CPA6: variants seen among roughly 807,000 people sequenced by gnomAD.
CPA6 encodes the protein carboxypeptidase A6.
A neutral mutation model predicts 63.3 loss-of-function variants in CPA6; 58 were observed. That is an observed-to-expected ratio of 0.92 (90% CI 0.74 to 1.14). The LOEUF is 1.14. CPA6 is among the 50% of genes most tolerant of loss of function. CPA6 has a pLI of 0.00. For synonymous variants in CPA6, 185 were observed against 179.0 expected (o/e 1.03, Z -0.27); for missense variants, 565 against 526.6 (o/e 1.07, Z -0.71).
intron 8 of CPA6, chr8:67,483,521 A>ATTTAAATT: frequency 1.8e-6 from 1 of 541,804 alleles, no homozygotes; most frequent in Non-Finnish European, 3.3e-6. Flanking sequence ...TTACATATGT[A>ATTTAAATT]TTTAAATTTT....
chr8:67,590,020 C>A (rs1814068813), intron 2 of CPA6, among the ~76,000 whole-genome samples: 1 of 151,726 alleles, frequency 6.6e-6, no homozygotes, highest in Admixed American at 6.6e-5. Context: ...GGTATATCTC[C>A]TAATGCTATC....
intron 5 of CPA6, among the ~76,000 whole-genome samples, chr8:67,507,748 T>C (rs1180725627): frequency 6.6e-6 from 1 of 152,132 alleles, no homozygotes; most frequent in Non-Finnish European, 1.5e-5. Context: ...AAGAGTGTTA[T>C]GTTGAATTTT....
chr8:67,422,301 T>G lies in CPA6; in HGVS notation c.*203A>C. 2.3e-6 allele frequency: 1 copy of G among 434,006 alleles called. No homozygotes were observed. Among genetic ancestry groups the G allele is most frequent in the South Asian group, 7.7e-5 (1 of 13,070 alleles). The allele number at this position is 434,006 out of a possible 1,614,324, so 26.9% of individuals were successfully genotyped here. A position where few individuals can be genotyped will look rare whatever the true frequency, so the allele number is the denominator to read the frequency against. On this transcript the variant is annotated 3_prime_UTR_variant, in exon 11 of 11. Coordinates refer to ENST00000297770, the MANE Select transcript of CPA6 (RefSeq NM_020361.5). ...AGACTCTAAAAGGATAGAAAATGGA[T>G]GCTTTTTCTTATAACAAACTAGGCT... is the stretch of plus-strand genomic sequence containing the variant.
At chr8:67,589,109 C>A (rs1814031190) in intron 2 of CPA6, among the ~76,000 whole-genome samples, 1 of 146,308 alleles carries the variant, frequency 6.8e-6, no homozygotes, top group African/African-American at 2.6e-5. Flanking sequence ...CAGAGCAAGA[C>A]TCTTAAAAAA....
chr8:67,712,767 C>T (rs1748484264), intron 1 of CPA6, among the ~76,000 whole-genome samples: 1 of 152,026 alleles, frequency 6.6e-6, no homozygotes, highest in Non-Finnish European at 1.5e-5. Flanking sequence ...TTTTAAATGT[C>T]ATGCTGTTCT....
chr8:67,642,732 A>G (rs1261955146), intron 1 of CPA6, among the ~76,000 whole-genome samples: 1 of 152,044 alleles, frequency 6.6e-6, no homozygotes, highest in Non-Finnish European at 1.5e-5. Flanking sequence ...GAACTCTTTC[A>G]TAAATAGAAC....
chr8:67,525,274 T>A (rs1812338312), intron 2 of CPA6, among the ~76,000 whole-genome samples: 1 of 152,168 alleles, frequency 6.6e-6, no homozygotes, highest in African/African-American at 2.4e-5. Flanking sequence ...CAAAAGACCC[T>A]GGAAATTTAG....
chr8:67,688,460 A>G (rs1317836647), intron 1 of CPA6, among the ~76,000 whole-genome samples: 2 of 152,214 alleles, frequency 1.3e-5, no homozygotes, highest in African/African-American at 4.8e-5. Flanking sequence ...ATCAACTCAC[A>G]GGACTCATTT....
chr8:67,641,416 T>G (rs1433712627), intron 1 of CPA6, among the ~76,000 whole-genome samples: 2 of 146,882 alleles, frequency 1.4e-5, no homozygotes, highest in East Asian at 1.9e-4. Flanking sequence ...CAGACTAAAT[T>G]TCTAGAATTA....
intron 6 of CPA6, among the ~76,000 whole-genome samples, chr8:67,492,293 A>G (rs1318727549): frequency 1.3e-5 from 2 of 152,214 alleles, no homozygotes; most frequent in East Asian, 3.8e-4. Flanking sequence ...AACACTTCAC[A>G]TTAAAGTAAG....
rs530392285 is a variant in CPA6 at position 67,564,320 on chromosome 8, T to C, written c.193-46273A>G. On this transcript the variant is annotated intron_variant, in intron 2 of 10. Transcript: ENST00000297770. The stretch of plus-strand genomic sequence containing the variant: ...TCTCTGCCTGTGATGCTCCTAAAGC[T>C]TTTTTTGTTTGTTTGTTTGGGGTTT... Among the ~76,000 whole-genome samples the C allele has an allele frequency of 2.0e-5, 3 of 152,220 alleles. No individual in the cohort carries two copies. The South Asian group carries it at 6.2e-4, about 32-fold the overall frequency.
At chr8:67,651,651 T>G (rs996199413) in intron 1 of CPA6, among the ~76,000 whole-genome samples, 1 of 152,140 alleles carries the variant, frequency 6.6e-6, no homozygotes, top group Non-Finnish European at 1.5e-5. Flanking sequence ...ACATTTCCTA[T>G]TCAAGGAACA....
At chr8:67,676,507 G>A (rs1260722311) in intron 1 of CPA6, among the ~76,000 whole-genome samples, 1 of 152,222 alleles carries the variant, frequency 6.6e-6, no homozygotes, top group Non-Finnish European at 1.5e-5. Flanking sequence ...CGTAGCTTGT[G>A]TCAGACCACT....
intron 2 of CPA6, among the ~76,000 whole-genome samples, chr8:67,614,373 C>T (rs750169442): frequency 3.3e-5 from 5 of 152,150 alleles, no homozygotes; most frequent in Non-Finnish European, 5.9e-5. Context: ...TGGATATGAA[C>T]CCAAGAAGTA....
chr8:67,441,346 T>C (rs552817233), intron 8 of CPA6, among the ~76,000 whole-genome samples: 7 of 152,204 alleles, frequency 4.6e-5, no homozygotes, highest in Non-Finnish European at 8.8e-5. Context: ...AATTTCAGAA[T>C]TGAATTAGAG....
At chr8:67,534,378 C>A (rs1437441521) in intron 2 of CPA6, among the ~76,000 whole-genome samples, 1 of 152,066 alleles carries the variant, frequency 6.6e-6, no homozygotes, top group Non-Finnish European at 1.5e-5. Context: ...AGTGGCTAAT[C>A]ACCATCCAGT....
At chr8:67,514,715 T>TA (rs1812107945) in intron 3 of CPA6, among the ~76,000 whole-genome samples, 1 of 152,262 alleles carries the variant, frequency 6.6e-6, no homozygotes, top group Non-Finnish European at 1.5e-5. Flanking sequence ...TAGAGACTTG[T>TA]TAAACTAACC....
At chr8:67,643,933 A>G (rs569761952) in intron 1 of CPA6, among the ~76,000 whole-genome samples, 1 of 152,260 alleles carries the variant, frequency 6.6e-6, no homozygotes, top group South Asian at 2.1e-4. Flanking sequence ...CTGGCTTGTT[A>G]TAACAACGTG....
intron 3 of CPA6, among the ~76,000 whole-genome samples, 189 bp downstream of exon 3, chr8:67,517,734 C>A (rs767419092): frequency 1.3e-5 from 2 of 152,224 alleles, no homozygotes; most frequent in African/African-American, 4.8e-5. Context: ...GAAAGGTCCA[C>A]ATCGTTGCTC....
Sources: gnomAD v4.1 joint callset for allele counts (sites outside exome capture counted in the v4.1 genomes callset) on GRCh38, gnomAD v4.1.1 for gene constraint, MANE v1.5 for transcripts, NCBI Gene and HGNC (gene_info 2026-07-23, HGNC 2026-07-21) for gene names.